NAP1L1: variants seen among roughly 807,000 people sequenced by gnomAD.
The protein encoded by NAP1L1 is nucleosome assembly protein 1-like 1.
In NAP1L1, 9 loss-of-function variants were observed where a neutral mutation model predicts 58.9. That is an observed-to-expected ratio of 0.15 (90% CI 0.09 to 0.27). The LOEUF is 0.27. Ranked by LOEUF, NAP1L1 falls within the 10% of genes least tolerant of loss-of-function variation. The pLI is 1.00. For missense variants in NAP1L1, 302 were observed against 458.8 expected (o/e 0.66, Z 3.12); for synonymous variants, 130 against 138.3 (o/e 0.94, Z 0.42).
chr12:76,053,020 A>G (rs997463006), intron 11 of NAP1L1, 71 bp downstream of exon 11: 6 of 1,455,816 alleles, frequency 4.1e-6, no homozygotes, highest in Non-Finnish European at 5.7e-6. Context: ...CCCACTCTCC[A>G]TTTTTGAAAT....
intron 6 of NAP1L1, among the ~76,000 whole-genome samples, chr12:76,058,623 T>C (rs938684145): frequency 6.6e-6 from 1 of 152,100 alleles, no homozygotes; most frequent in Admixed American, 6.5e-5. Context: ...CCTGACCTAG[T>C]GATTGGCCCA....
intron 1 of NAP1L1, among the ~76,000 whole-genome samples, chr12:76,077,769 A>G (rs1950237850): frequency 6.6e-6 from 1 of 152,038 alleles, no homozygotes; most frequent in African/African-American, 2.4e-5. Flanking sequence ...GAATTGCCTG[A>G]GCTTAGGAGT....
intron 2 of NAP1L1, among the ~76,000 whole-genome samples, chr12:76,069,942 T>C (rs545718495): frequency 1.3e-5 from 2 of 152,222 alleles, no homozygotes; most frequent in African/African-American, 4.8e-5. Flanking sequence ...CCTGTGTAAA[T>C]TTTTTATTTT....
At chr12:76,059,773 A>AT (rs1565727036) in intron 6 of NAP1L1, 25 bp downstream of exon 6, 2 of 1,492,608 alleles carry the variant, frequency 1.3e-6, no homozygotes, top group Non-Finnish European at 1.8e-6. Context: ...TCTTAAAAAC[A>AT]TACCAAAATA....
In NAP1L1 at chr12:76,068,047, C is replaced by G. The variant is rs561446575; in HGVS notation, c.104-574G>C. On this transcript the variant is annotated intron_variant, in intron 3 of 14. Transcript: ENST00000618691. ...ATGGCTTTTTAAAAACATACTCAAT[C>G]CAAATATGCACTAGACTTATACAAA... Among the ~76,000 whole-genome samples, 5 of 152,266 alleles carry G rather than the reference C, an allele frequency of 3.3e-5. No individual in the cohort carries two copies. In the South Asian group the frequency reaches 1.0e-3, roughly 32 times the overall value.
At position 76,048,139 on chromosome 12, in the gene NAP1L1, A is replaced by G. The variant is rs1421796263; in HGVS notation, c.*290T>C. 1 of 378,760 alleles carries G rather than the reference A, an allele frequency of 2.6e-6. No individual in the cohort carries two copies. Among genetic ancestry groups the G allele is most frequent in the Non-Finnish European group, 4.7e-6 (1 of 213,050 alleles). 23.5% of individuals were successfully genotyped at this position (378,760 alleles called of 1,614,324 possible). A position where few individuals can be genotyped will look rare whatever the true frequency, so the allele number is the denominator to read the frequency against. Reference sequence around the variant, plus strand: ...AAGGTATTTCCTTTAACAGTTGTTAATTTTCATAGCTGTACTCCAAGAGCT... The same window carrying G: ...AAGGTATTTCCTTTAACAGTTGTTAGTTTTCATAGCTGTACTCCAAGAGCT... On this transcript the variant is annotated 3_prime_UTR_variant, in exon 15 of 15. Transcript: ENST00000618691.
chr12:76,049,784 T>C lies in NAP1L1; in HGVS notation c.1061A>G (p.Tyr354Cys), dbSNP rs774456411. 1 of 1,612,880 alleles carries C rather than the reference T, an allele frequency of 6.2e-7. No individual in the cohort carries two copies. The change falls in exon 13 of 15, where the codon TAT (tyrosine) becomes TGT (cysteine). Residue 354 changes from tyrosine (Y) to cysteine (C), a missense_variant and splice_region_variant. Coordinates refer to ENST00000618691, the MANE Select transcript of NAP1L1 (RefSeq NM_004537.7). Reference protein sequence around the residue: ...GEAIEDDDDDYDEEGEEADEE... With the variant: ...GEAIEDDDDDCDEEGEEADEE... Reference sequence around the variant, plus strand: ...ATCCGCTTCTTCACCTTCTTCATCATACTGAAAAGGAAAAACAGCGTTAAG... The same window carrying C: ...ATCCGCTTCTTCACCTTCTTCATCACACTGAAAAGGAAAAACAGCGTTAAG...
chr12:76,067,476 T>TAA lies in NAP1L1; in HGVS notation c.104-4_104-3insTT. The TAA allele has an allele frequency of 6.4e-7, 1 of 1,555,988 alleles. No individual in the cohort carries two copies. Among genetic ancestry groups the TAA allele is most frequent in the Non-Finnish European group, 8.7e-7 (1 of 1,147,532 alleles). ...CATCTGAACAGTTAGCTGACGTGCT[T>TAA]TAAAAAAAAAAGGGCATCGAAAGAA... On this transcript the variant is annotated splice_polypyrimidine_tract_variant and splice_region_variant and intron_variant, in intron 3 of 14. Transcript: ENST00000618691.
chr12:76,065,219 AAT>A (rs1414024654), intron 4 of NAP1L1, among the ~76,000 whole-genome samples: 1 of 152,112 alleles, frequency 6.6e-6, no homozygotes, highest in Non-Finnish European at 1.5e-5. Context: ...GGAAAAGTTC[AAT>A]AGAGCATCTT....
intron 1 of NAP1L1, among the ~76,000 whole-genome samples, 179 bp downstream of exon 1, chr12:76,084,388 G>T (rs746555076): frequency 1.3e-5 from 2 of 152,102 alleles, no homozygotes; most frequent in African/African-American, 4.8e-5. Flanking sequence ...CCCCTCTCAG[G>T]CTCCGGGGTC....
chr12:76,050,435 T>C, intron 12 of NAP1L1, 96 bp downstream of exon 12: 1 of 1,427,656 alleles, frequency 7.0e-7, no homozygotes, highest in East Asian at 2.4e-5. Context: ...TGAATTATAT[T>C]ATGTCCTGCT....
At chr12:76,068,806 G>A in intron 3 of NAP1L1, 103 bp downstream of exon 3, 3 of 681,452 alleles carry the variant, frequency 4.4e-6, no homozygotes, top group East Asian at 2.8e-5. Context: ...TAGATAAATG[G>A]GACAATGAGC....
chr12:76,057,773 G>C (rs1481176257), intron 6 of NAP1L1: 1 of 1,551,008 alleles, frequency 6.4e-7, no homozygotes, highest in Middle Eastern at 1.7e-4. Context: ...CAAGAAGCTG[G>C]AATCTGTCAA....
intron 1 of NAP1L1, among the ~76,000 whole-genome samples, chr12:76,082,652 T>A (rs993647158): frequency 2.0e-5 from 3 of 152,226 alleles, no homozygotes; most frequent in African/African-American, 7.2e-5. Context: ...AGAACTAAAC[T>A]ATAGATTTAG....
chr12:76,055,155 A>T (rs1949024155), intron 7 of NAP1L1, 65 bp from the exon 8 acceptor site: 1 of 1,096,732 alleles, frequency 9.1e-7, no homozygotes, highest in Non-Finnish European at 1.3e-6. Context: ...CTGTTACTAC[A>T]CAAACACCAG....
intron 4 of NAP1L1, among the ~76,000 whole-genome samples, chr12:76,066,152 A>G (rs1221763405): frequency 7.0e-6 from 1 of 142,264 alleles, no homozygotes; most frequent in Admixed American, 7.0e-5. Flanking sequence ...AAACAAACAA[A>G]CAAACCTGGC....
chr12:76,049,804 G>A lies in NAP1L1; in HGVS notation c.1060-19C>T, dbSNP rs150828590. On this transcript the variant is annotated intron_variant, in intron 12 of 14. Coordinates refer to ENST00000618691, the MANE Select transcript of NAP1L1 (RefSeq NM_004537.7). ...CATCATACTGAAAAGGAAAAACAGC[G>A]TTAAGTGTTGAGTGAATGTAACACA... is the stretch of plus-strand genomic sequence containing the variant. The A allele has an allele frequency of 5.3e-5, 85 of 1,612,192 alleles. No individual in the cohort carries two copies. In the African/African-American group the frequency reaches 5.3e-4, roughly 10 times the overall value.
intron 6 of NAP1L1, among the ~76,000 whole-genome samples, chr12:76,059,407 T>C (rs1234058757): frequency 6.6e-6 from 1 of 152,238 alleles, no homozygotes; most frequent in African/African-American, 2.4e-5. Flanking sequence ...AAAAATAATG[T>C]ACAACCATGT....
chr12:76,078,212 G>A (rs1427799991), intron 1 of NAP1L1, among the ~76,000 whole-genome samples: 1 of 151,992 alleles, frequency 6.6e-6, no homozygotes, highest in Non-Finnish European at 1.5e-5. Flanking sequence ...TTCTGGGCCT[G>A]TCCACGGTGG....
Sources: allele counts gnomAD v4.1 joint callset (sites outside exome capture counted in the v4.1 genomes callset), GRCh38; gene constraint gnomAD v4.1.1; transcripts MANE v1.5; gene names NCBI Gene and HGNC (gene_info 2026-07-23, HGNC 2026-07-21).